The following EPHA5 variants were observed in gnomAD, a reference collection of about 807,000 sequenced individuals.
EPHA5 encodes EPH receptor A5, also known as ephrin type-A receptor 5.
A neutral mutation model predicts 105.0 loss-of-function variants in EPHA5; 60 were observed. The observed-to-expected ratio is 0.57, with a 90% CI of 0.46 to 0.71. The LOEUF is 0.71. EPHA5 is among the 30% of genes least tolerant of loss of function. The pLI is 0.00. For missense variants in EPHA5, 1,218 were observed against 1,274.7 expected, an observed-to-expected ratio of 0.96 and a Z score of 0.68; for synonymous variants, 513 against 449.1, an observed-to-expected ratio of 1.14 and a Z score of -1.80.
chr4:65,414,255 A>G, intron 7 of EPHA5, 29 bp downstream of exon 7: 2 of 1,605,438 alleles, frequency 1.2e-6, no homozygotes, highest in Non-Finnish European at 1.7e-6. Context: ...TTACTGAGAC[A>G]TGAGCTGACA....
intron 3 of EPHA5, among the ~76,000 whole-genome samples, chr4:65,544,478 G>T (rs913230309): frequency 1.3e-5 from 2 of 151,866 alleles, no homozygotes; most frequent in African/African-American, 2.4e-5. Flanking sequence ...ATGAAAAAAA[G>T]CTGAACAACA....
At chr4:65,517,328 C>A (rs1279911635) in intron 3 of EPHA5, among the ~76,000 whole-genome samples, 1 of 151,610 alleles carries the variant, frequency 6.6e-6, no homozygotes, top group Non-Finnish European at 1.5e-5. Flanking sequence ...TGTTTTTATT[C>A]ATTTTATGTT....
chr4:65,573,361 A>C (rs1175548930), intron 3 of EPHA5: 35 of 658,518 alleles, frequency 5.3e-5, no homozygotes, highest in Non-Finnish European at 7.5e-5. Flanking sequence ...CAATGAGCTG[A>C]GATTGCGCCA....
intron 5 of EPHA5, among the ~76,000 whole-genome samples, chr4:65,438,638 A>G (rs1417698645): frequency 2.0e-5 from 3 of 152,016 alleles, no homozygotes; most frequent in Non-Finnish European, 4.4e-5. Context: ...AAACTCTTCC[A>G]TTGGACAAAG....
At chr4:65,406,066 C>G (rs1322945536) in intron 7 of EPHA5, among the ~76,000 whole-genome samples, 1 of 152,036 alleles carries the variant, frequency 6.6e-6, no homozygotes, top group East Asian at 1.9e-4. Flanking sequence ...TCATTTGCTC[C>G]GTGTATTAAT....
chr4:65,622,240 A>G (rs1487172338), intron 2 of EPHA5, among the ~76,000 whole-genome samples: 1 of 152,098 alleles, frequency 6.6e-6, no homozygotes, highest in Admixed American at 6.6e-5. Context: ...TAAACTTATT[A>G]TAGTTTTTGA....
intron 3 of EPHA5, among the ~76,000 whole-genome samples, chr4:65,571,993 C>A (rs1316903906): frequency 3.9e-5 from 6 of 151,918 alleles, no homozygotes; most frequent in Non-Finnish European, 7.4e-5. Flanking sequence ...TACATCAACT[C>A]CCTTCCTAAT....
Position 65,333,291 on chromosome 4 carries a change from T to A in EPHA5, c.2790-1163A>T, listed in dbSNP as rs377513341. 3.4e-4 allele frequency among the ~76,000 whole-genome samples: 52 copies of A among 151,880 alleles called. 1 individual carries two copies. In the South Asian group the frequency reaches 9.9e-3, roughly 29 times the overall value. On this transcript the variant is annotated intron_variant, in intron 15 of 16. Transcript: ENST00000613740. ...CTCTCTACTCAGGTTCTCTCTACTT[T>A]CTCACATTCCATTTACCCTTGAGTA...
intron 3 of EPHA5, among the ~76,000 whole-genome samples, chr4:65,513,173 A>G (rs1733784855): frequency 6.6e-6 from 1 of 152,218 alleles, no homozygotes; most frequent in Admixed American, 6.5e-5. Flanking sequence ...CCTTAAAGTA[A>G]TAAAAAGTTA....
At chr4:65,387,988 T>A (rs28649696) in intron 8 of EPHA5, among the ~76,000 whole-genome samples, 66 of 66,888 alleles carry the variant, frequency 9.9e-4, no homozygotes, top group Non-Finnish European at 2.1e-4. Flanking sequence ...CCACAACAGT[T>A]CCCAGAGTGT....
chr4:65,382,838 G>A (rs192347772), intron 8 of EPHA5, among the ~76,000 whole-genome samples: 60 of 151,592 alleles, frequency 4.0e-4, no homozygotes, highest in Middle Eastern at 3.4e-3. Context: ...CAATAAACAC[G>A]TATTGTATTG....
chr4:65,631,646 C>G (rs764985005), intron 2 of EPHA5, among the ~76,000 whole-genome samples: 2 of 151,598 alleles, frequency 1.3e-5, no homozygotes, highest in Non-Finnish European at 2.9e-5. Flanking sequence ...ATCATACTTT[C>G]TTGAGGAAGT....
chr4:65,457,317 G>A (rs781193450), intron 5 of EPHA5, among the ~76,000 whole-genome samples: 7 of 152,058 alleles, frequency 4.6e-5, no homozygotes, highest in South Asian at 2.1e-4. Flanking sequence ...TGGTGTCCTC[G>A]CCTGTTAACT....
At chr4:65,563,104 T>C (rs986258573) in intron 3 of EPHA5, among the ~76,000 whole-genome samples, 2 of 152,084 alleles carry the variant, frequency 1.3e-5, no homozygotes, top group African/African-American at 4.8e-5. Flanking sequence ...TAAATTCTTT[T>C]TTTTTCTCAC....
chr4:65,457,745 T>C (rs1370535984), intron 5 of EPHA5, among the ~76,000 whole-genome samples: 1 of 152,068 alleles, frequency 6.6e-6, no homozygotes, highest in Non-Finnish European at 1.5e-5. Context: ...ACAAGTAAAA[T>C]TATTCGGAGT....
chr4:65,469,200 T>C (rs931815085), intron 5 of EPHA5, among the ~76,000 whole-genome samples: 4 of 152,164 alleles, frequency 2.6e-5, no homozygotes, highest in African/African-American at 9.7e-5. Flanking sequence ...TCTGCAAATT[T>C]CAGAAATGAA....
chr4:65,476,463 T>C (rs1174701789), intron 5 of EPHA5, among the ~76,000 whole-genome samples: 1 of 152,108 alleles, frequency 6.6e-6, no homozygotes, highest in Admixed American at 6.6e-5. Flanking sequence ...GCCATTTTCC[T>C]AAGCAAATTA....
chr4:65,632,389 T>A (rs56224972), intron 2 of EPHA5, among the ~76,000 whole-genome samples: 2,107 of 149,586 alleles, frequency 0.014, 46 homozygotes, highest in African/African-American at 0.051. Flanking sequence ...GAGTCCTGTT[T>A]ACCACCATAA....
At chr4:65,363,055 G>A (rs565080605) in intron 11 of EPHA5, among the ~76,000 whole-genome samples, 1 of 151,614 alleles carries the variant, frequency 6.6e-6, no homozygotes, top group African/African-American at 2.4e-5. Context: ...CTTTGAATAA[G>A]GTTTCAGTGA....
Sources: gnomAD v4.1 joint callset for allele counts (sites outside exome capture counted in the v4.1 genomes callset) on GRCh38, gnomAD v4.1.1 for gene constraint, MANE v1.5 for transcripts, NCBI Gene and HGNC (gene_info 2026-07-23, HGNC 2026-07-21) for gene names.